ROR2: variants seen among roughly 807,000 people sequenced by gnomAD.
The protein encoded by ROR2 is ROR family WNT receptor 2.
ROR2 carries 33 observed loss-of-function variants against 74.9 expected under a neutral mutation model. That is an observed-to-expected ratio of 0.44 (90% CI 0.33 to 0.59). The LOEUF is 0.59. ROR2 is among the 20% of genes least tolerant of loss of function. The probability of loss-of-function intolerance (pLI) is 0.02; values close to 1 mark genes in which losing one functional copy is unlikely to be tolerated. For synonymous variants in ROR2, 586 were observed against 558.7 expected, an observed-to-expected ratio of 1.05 and a Z score of -0.69; for missense variants, 1,216 against 1,313.8, an observed-to-expected ratio of 0.93 and a Z score of 1.15.
intron 1 of ROR2, among the ~76,000 whole-genome samples, chr9:91,908,462 TG>T (rs1257533822): frequency 6.6e-6 from 1 of 152,234 alleles, no homozygotes; most frequent in Non-Finnish European, 1.5e-5. Context: ...TAGCACTTTC[TG>T]CAAGTCAAGT....
intron 1 of ROR2, among the ~76,000 whole-genome samples, chr9:91,853,748 G>A (rs1881392): frequency 0.27 from 40,685 of 152,038 alleles, 5,824 homozygotes; most frequent in Admixed American, 0.43. Context: ...TGACAGTAGC[G>A]CATGAAGAGC....
intron 1 of ROR2, among the ~76,000 whole-genome samples, chr9:91,947,267 G>T (rs1832035107): frequency 6.6e-6 from 1 of 152,074 alleles, no homozygotes; most frequent in South Asian, 2.1e-4. Context: ...GTTCAGCTTG[G>T]CTTTCCAGAG....
chr9:91,806,587 G>C (rs1827553493), intron 1 of ROR2, among the ~76,000 whole-genome samples: 1 of 150,720 alleles, frequency 6.6e-6, no homozygotes, highest in Admixed American at 6.6e-5. Context: ...GATCATATTA[G>C]TTTTGTTTGT....
chr9:91,846,175 T>G (rs1828923389), intron 1 of ROR2, among the ~76,000 whole-genome samples: 1 of 152,172 alleles, frequency 6.6e-6, no homozygotes, highest in Non-Finnish European at 1.5e-5. Context: ...TCTTAAAGCT[T>G]GGAATACTGT....
At chr9:91,898,935 G>A (rs1012233512) in intron 1 of ROR2, among the ~76,000 whole-genome samples, 7 of 152,194 alleles carry the variant, frequency 4.6e-5, no homozygotes, top group Admixed American at 2.0e-4. Flanking sequence ...TCAGACACCC[G>A]ATGCCACGTG....
intron 4 of ROR2, among the ~76,000 whole-genome samples, chr9:91,749,268 G>A (rs1825530903): frequency 6.6e-6 from 1 of 152,182 alleles, no homozygotes; most frequent in Admixed American, 6.5e-5. Flanking sequence ...TAATATCATA[G>A]ACGGTGGCTT....
chr9:91,839,827 C>G (rs1026513079), intron 1 of ROR2, among the ~76,000 whole-genome samples: 14 of 151,920 alleles, frequency 9.2e-5, no homozygotes, highest in African/African-American at 3.4e-4. Flanking sequence ...TCGGTTTTCT[C>G]CACCGACACT....
chr9:91,901,611 T>C (rs907752532), intron 1 of ROR2, among the ~76,000 whole-genome samples: 1 of 149,966 alleles, frequency 6.7e-6, no homozygotes. Context: ...AGGTGAGGAG[T>C]TTGAGACCAG....
intron 1 of ROR2, among the ~76,000 whole-genome samples, chr9:91,919,683 A>G (rs7042585): frequency 0.14 from 21,134 of 152,040 alleles, 2,133 homozygotes; most frequent in East Asian, 0.27. Flanking sequence ...CTGGTGGTTG[A>G]TGATATAAAG....
chr9:91,918,716 G>C (rs1188506546), intron 1 of ROR2, among the ~76,000 whole-genome samples: 1 of 152,146 alleles, frequency 6.6e-6, no homozygotes, highest in Non-Finnish European at 1.5e-5. Flanking sequence ...AATTGTATTG[G>C]CTTGTGGATT....
intron 4 of ROR2, 116 bp downstream of exon 4, chr9:91,755,955 G>T: frequency 8.9e-7 from 1 of 1,127,272 alleles, no homozygotes. Context: ...GTGAAGCCCA[G>T]CCAACTTCTA....
chr9:91,802,079 T>G (rs544481512), intron 1 of ROR2, among the ~76,000 whole-genome samples: 31 of 146,520 alleles, frequency 2.1e-4, no homozygotes, highest in Admixed American at 1.3e-3. Context: ...TTTTTTTTTT[T>G]TTTTTTTTTT....
Position 91,725,192 on chromosome 9 carries a change from C to A in ROR2, c.1387-85G>T, listed in dbSNP as rs1330674637. 7 of 1,600,210 alleles carry A rather than the reference C, an allele frequency of 4.4e-6. No individual in the cohort carries two copies. In the African/African-American group the frequency reaches 9.3e-5, roughly 21 times the overall value. On this transcript the variant is annotated intron_variant, in intron 8 of 8. Coordinates refer to ENST00000375708, the MANE Select transcript of ROR2 (RefSeq NM_004560.4). ...GCAGAGCAGCCGGGAGGAGTGGAGT[C>A]CCTGTGCGGCCACGACTAGGGGGGC...
intron 1 of ROR2, among the ~76,000 whole-genome samples, chr9:91,833,446 G>T (rs1176327362): frequency 6.6e-6 from 1 of 152,036 alleles, no homozygotes. Flanking sequence ...GTCCTTTCAG[G>T]CGCTCAAGTC....
At chr9:91,928,255 C>A (rs1055524019) in intron 1 of ROR2, among the ~76,000 whole-genome samples, 1 of 152,194 alleles carries the variant, frequency 6.6e-6, no homozygotes, top group African/African-American at 2.4e-5. Context: ...CATCTGGAAC[C>A]GTCCCCCACT....
chr9:91,818,020 A>G (rs1762229697), intron 1 of ROR2, among the ~76,000 whole-genome samples: 1 of 152,148 alleles, frequency 6.6e-6, no homozygotes, highest in African/African-American at 2.4e-5. Flanking sequence ...CTGGGGCCAG[A>G]GCGGTGATCA....
intron 1 of ROR2, among the ~76,000 whole-genome samples, chr9:91,896,928 G>A (rs1381943971): frequency 2.0e-5 from 3 of 152,150 alleles, no homozygotes; most frequent in Admixed American, 6.5e-5. Context: ...GGGCTCCACC[G>A]CCCTCGGCTG....
At chr9:91,858,039 C>T (rs559748857) in intron 1 of ROR2, among the ~76,000 whole-genome samples, 192 of 152,296 alleles carry the variant, frequency 1.3e-3, no homozygotes, top group Non-Finnish European at 2.3e-3. Context: ...CTGCTTCCCA[C>T]CCAGAATCCG....
At chr9:91,880,959 A>T (rs1273329830) in intron 1 of ROR2, among the ~76,000 whole-genome samples, 3 of 152,048 alleles carry the variant, frequency 2.0e-5, no homozygotes, top group East Asian at 1.9e-4. Context: ...TAATTTTGTG[A>T]TTTTCATGAT....
Sources: gnomAD v4.1 joint callset for allele counts (sites outside exome capture counted in the v4.1 genomes callset) on GRCh38, gnomAD v4.1.1 for gene constraint, MANE v1.5 for transcripts, NCBI Gene and HGNC (gene_info 2026-07-23, HGNC 2026-07-21) for gene names.